The following CHMP2B variants were observed in gnomAD, a reference collection of about 807,000 sequenced individuals.
CHMP2B encodes the protein VPS2 homolog B.
CHMP2B carries 22 observed loss-of-function variants against 29.8 expected under a neutral mutation model. The ratio of observed to expected loss-of-function variants is 0.74; its 90% CI spans 0.53 to 1.05. The LOEUF (loss-of-function observed/expected upper bound fraction) is 1.05. CHMP2B is among the 50% of genes least tolerant of loss of function. CHMP2B has a pLI of 0.00. For synonymous variants in CHMP2B, 78 were observed against 75.8 expected (o/e 1.03, Z -0.15); for missense variants, 261 against 252.2 (o/e 1.03, Z -0.24).
At chr3:87,243,725 T>A (rs1304033109) in intron 2 of CHMP2B, among the ~76,000 whole-genome samples, 3 of 152,204 alleles carry the variant, frequency 2.0e-5, no homozygotes, top group Admixed American at 6.5e-5. Context: ...GGCTTTAGTC[T>A]GTCAAGTAAC....
At chr3:87,253,572 TG>T in intron 5 of CHMP2B, 62 bp downstream of exon 5, 2 of 1,392,660 alleles carry the variant, frequency 1.4e-6, no homozygotes, top group Non-Finnish European at 2.0e-6. Flanking sequence ...GTCACTTAAT[TG>T]TTTTGTTTTT....
intron 2 of CHMP2B, among the ~76,000 whole-genome samples, chr3:87,243,248 A>G (rs983083891): frequency 9.9e-5 from 15 of 151,274 alleles, no homozygotes; most frequent in African/African-American, 3.6e-4. Flanking sequence ...AATTGAATCA[A>G]CCTTTTGTTC....
At chr3:87,236,128 G>GT (rs1398919689) in intron 1 of CHMP2B, among the ~76,000 whole-genome samples, 1 of 152,014 alleles carries the variant, frequency 6.6e-6, no homozygotes, top group African/African-American at 2.4e-5. Context: ...CTTAGGTAAG[G>GT]TTTTTTTATA....
chr3:87,250,064 G>A (rs553372291), intron 4 of CHMP2B, 87 bp downstream of exon 4: 22 of 789,268 alleles, frequency 2.8e-5, no homozygotes, highest in African/African-American at 2.5e-4. Context: ...TCTCATTCAC[G>A]AAGGCAGAAA....
chr3:87,249,906 C>A lies in CHMP2B; in HGVS notation c.353C>A (p.Pro118Gln). The A allele has an allele frequency of 6.2e-7, 1 of 1,605,204 alleles. No homozygotes were observed. The highest frequency in any genetic ancestry group is 8.5e-7 in the Non-Finnish European group (1 of 1,174,032). The change falls in exon 4 of 6, where the codon CCA (proline) becomes CAA (glutamine). Residue 118 changes from proline (P) to glutamine (Q), a missense_variant. Coordinates refer to ENST00000263780, the MANE Select transcript of CHMP2B (RefSeq NM_014043.4). Reference sequence around the variant, plus strand: ...CAGGCAGTTAACAAGAAGATGGATCCACAAAAGACATTACAAACAATGCAG... The same window carrying A: ...CAGGCAGTTAACAAGAAGATGGATCAACAAAAGACATTACAAACAATGCAG... Reference protein sequence around the residue: ...TMQAVNKKMDPQKTLQTMQNF... With the variant: ...TMQAVNKKMDQQKTLQTMQNF...
rs1489531149 is a variant in CHMP2B at position 87,245,853 on chromosome 3, C to T, written c.266C>T (p.Thr89Ile). 1 of 1,613,390 alleles carries T rather than the reference C, an allele frequency of 6.2e-7. No homozygotes were observed. The highest frequency in any genetic ancestry group is 1.3e-5 in the African/African-American group (1 of 74,860). ...AAAGTTACTTCTATGTCTACACAAA[C>T]AAAAGTGATGAATTCCCAAATGAAG... is the stretch of plus-strand genomic sequence containing the variant. ...SSKVTSMSTQTKVMNSQMKMA... is the reference protein window; with the variant it reads ...SSKVTSMSTQIKVMNSQMKMA... Residue 89 changes from threonine to isoleucine, a missense_variant, in exon 3 of 6, where the codon ACA becomes ATA. Physicochemically the swap from Thr to Ile is moderately conservative, Grantham distance 89. Coordinates refer to ENST00000263780, the MANE Select transcript of CHMP2B (RefSeq NM_014043.4).
At chr3:87,241,150 A>T (rs1370175222) in intron 2 of CHMP2B, among the ~76,000 whole-genome samples, 1 of 152,194 alleles carries the variant, frequency 6.6e-6, no homozygotes, top group Non-Finnish European at 1.5e-5. Flanking sequence ...ACATTAACTC[A>T]TAGGAGTCTT....
chr3:87,240,797 A>G lies in CHMP2B; in HGVS notation c.126+7A>G. ...GAAACAAGAAAAACAGCTGGTAAGT[A>G]GAACGTTAAATTTCAGTTTAACTTT... On this transcript the variant is annotated splice_region_variant and intron_variant, in intron 2 of 5. Transcript: ENST00000263780. 6.2e-7 allele frequency: 1 copy of G among 1,604,276 alleles called. No homozygotes were observed. The highest frequency in any genetic ancestry group is 8.5e-7 in the Non-Finnish European group (1 of 1,171,176).
In CHMP2B at chr3:87,255,325, G is replaced by C. The variant is rs1060238; in HGVS notation, c.*1503G>C. On this transcript the variant is annotated 3_prime_UTR_variant, in exon 6 of 6. Coordinates refer to ENST00000263780, the MANE Select transcript of CHMP2B (RefSeq NM_014043.4). ...ACAGTTTCTCTTAACAGTGATGGGT[G>C]AAAACATTTTACCGGATTATGGAAT... The C allele has an allele frequency of 0.033, 5,098 of 152,482 alleles. 123 individuals carry two copies. The highest frequency in any genetic ancestry group is 0.065 in the African/African-American group (2,685 of 41,506). 9.4% of individuals were successfully genotyped at this position (152,482 alleles called of 1,614,324 possible).
At chr3:87,243,711 T>TG (rs2106905677) in intron 2 of CHMP2B, among the ~76,000 whole-genome samples, 1 of 152,320 alleles carries the variant, frequency 6.6e-6, no homozygotes, top group East Asian at 1.9e-4. Flanking sequence ...GAATGAGCTT[T>TG]GGTGGCTTTA....
intron 2 of CHMP2B, among the ~76,000 whole-genome samples, chr3:87,241,666 T>C (rs1227186115): frequency 6.6e-6 from 1 of 152,220 alleles, no homozygotes. Flanking sequence ...TGAGTATTAT[T>C]CAATTGTTTG....
chr3:87,230,703 T>G (rs1705891728), intron 1 of CHMP2B, among the ~76,000 whole-genome samples: 2 of 152,178 alleles, frequency 1.3e-5, no homozygotes, highest in Admixed American at 6.5e-5. Context: ...CTAAACCTTT[T>G]GAAGGAGTAG....
chr3:87,244,696 G>A (rs1439006369), intron 2 of CHMP2B, among the ~76,000 whole-genome samples: 2 of 151,916 alleles, frequency 1.3e-5, no homozygotes, highest in East Asian at 3.9e-4. Context: ...TGTGATTCCA[G>A]TCCTTTAAAA....
At chr3:87,235,062 G>T (rs377593999) in intron 1 of CHMP2B, among the ~76,000 whole-genome samples, 1 of 152,134 alleles carries the variant, frequency 6.6e-6, no homozygotes, top group Non-Finnish European at 1.5e-5. Flanking sequence ...CCCATAGATC[G>T]CTAGTAAGTA....
rs1283497212 is a variant in CHMP2B at position 87,254,597 on chromosome 3, G to C, written c.*775G>C. The C allele has an allele frequency of 6.6e-6, 1 of 152,022 alleles. No individual in the cohort carries two copies. The highest frequency in any genetic ancestry group is 1.5e-5 in the Non-Finnish European group (1 of 67,872). 9.4% of individuals were successfully genotyped at this position (152,022 alleles called of 1,614,324 possible). A position where few individuals can be genotyped will look rare whatever the true frequency, so the allele number is the denominator to read the frequency against. On this transcript the variant is annotated 3_prime_UTR_variant, in exon 6 of 6. Transcript: ENST00000263780. ...TTTTAGACACGCCTCTGTTAAAACAGACCAGGTTTTCCTGGTCTCAGACCT... is the reference window on the plus strand; with the variant it reads ...TTTTAGACACGCCTCTGTTAAAACACACCAGGTTTTCCTGGTCTCAGACCT...
chr3:87,228,342 C>T (rs762143365), intron 1 of CHMP2B, among the ~76,000 whole-genome samples: 1 of 152,192 alleles, frequency 6.6e-6, no homozygotes, highest in Non-Finnish European at 1.5e-5. Flanking sequence ...TTATATAACA[C>T]TTGATGTTTT....
chr3:87,228,619 A>G (rs1361728453), intron 1 of CHMP2B, among the ~76,000 whole-genome samples: 8 of 152,248 alleles, frequency 5.3e-5, no homozygotes, highest in South Asian at 2.1e-4. Flanking sequence ...CAAAGAAGTC[A>G]TCTCTGCTCT....
chr3:87,240,045 G>A (rs1706087119), intron 1 of CHMP2B, among the ~76,000 whole-genome samples: 4 of 151,808 alleles, frequency 2.6e-5, no homozygotes, highest in South Asian at 4.2e-4. Context: ...TTAGAGTAAG[G>A]AAACATGAAA....
intron 1 of CHMP2B, among the ~76,000 whole-genome samples, chr3:87,240,101 C>CT (rs148355989): frequency 1.3e-5 from 2 of 151,932 alleles, no homozygotes; most frequent in African/African-American, 4.8e-5. Context: ...ATATTAAACA[C>CT]TATACTAATC....
Sources: gnomAD v4.1 joint callset for allele counts (sites outside exome capture counted in the v4.1 genomes callset) on GRCh38, gnomAD v4.1.1 for gene constraint, MANE v1.5 for transcripts, NCBI Gene and HGNC (gene_info 2026-07-23, HGNC 2026-07-21) for gene names.